NAALADL2: variants seen among roughly 807,000 people sequenced by gnomAD.
NAALADL2 encodes the protein N-acetylated alpha-linked acidic dipeptidase like 2.
In NAALADL2, 76 loss-of-function variants were observed where a neutral mutation model predicts 87.2. That is an observed-to-expected ratio of 0.87 (90% CI 0.72 to 1.05). The LOEUF (loss-of-function observed/expected upper bound fraction) is 1.05. Ranked by LOEUF, NAALADL2 falls within the 50% of genes least tolerant of loss-of-function variation. NAALADL2 has a pLI of 0.00. For synonymous variants in NAALADL2, 354 were observed against 331.0 expected (o/e 1.07, Z -0.75); for missense variants, 1,089 against 945.8 (o/e 1.15, Z -1.99).
chr3:174,585,754 C>T (rs1479883463), intron 2 of NAALADL2, among the ~76,000 whole-genome samples: 3 of 151,952 alleles, frequency 2.0e-5, no homozygotes, highest in East Asian at 1.9e-4. Context: ...TTAATAATAA[C>T]GATCTGATAA....
At chr3:175,669,395 G>T (rs927766459) in intron 11 of NAALADL2, among the ~76,000 whole-genome samples, 3 of 151,972 alleles carry the variant, frequency 2.0e-5, no homozygotes, top group Admixed American at 6.6e-5. Flanking sequence ...GTCATATGTT[G>T]GAATCACCTC....
chr3:175,691,256 AATAT>A (rs760060951), intron 11 of NAALADL2, among the ~76,000 whole-genome samples: 1 of 148,974 alleles, frequency 6.7e-6, no homozygotes, highest in African/African-American at 2.4e-5. Context: ...ACACACAGAT[AATAT>A]ATATATATAT....
chr3:175,635,660 C>A (rs1280243195), intron 11 of NAALADL2, among the ~76,000 whole-genome samples: 1 of 152,004 alleles, frequency 6.6e-6, no homozygotes, highest in East Asian at 1.9e-4. Context: ...AAATATAAGT[C>A]CTTCCTATTT....
In NAALADL2 at chr3:174,816,137, A is replaced by G. The variant is rs74367256; in HGVS notation, c.-9+78391A>G. On this transcript the variant is annotated intron_variant, in intron 3 of 3. Transcript: ENST00000434257. Reference sequence around the variant, plus strand: ...ATGATTATATATTCCTTTAAATTGTATAGCACGTATGTACCCCAATGATAT... The same window carrying G: ...ATGATTATATATTCCTTTAAATTGTGTAGCACGTATGTACCCCAATGATAT... 7.1e-3 allele frequency among the ~76,000 whole-genome samples: 1,073 copies of G among 152,138 alleles called. 17 individuals are homozygous for G. The highest frequency in any genetic ancestry group is 0.024 in the African/African-American group (1,013 of 41,530).
intron 2 of NAALADL2, among the ~76,000 whole-genome samples, chr3:174,622,685 G>T (rs1462470941): frequency 6.6e-6 from 1 of 152,180 alleles, no homozygotes; most frequent in Non-Finnish European, 1.5e-5. Flanking sequence ...CAAAGGAAGA[G>T]AAAATGCATT....
rs138588275 is a variant in NAALADL2 at position 175,791,617 on chromosome 3, T to C, written c.2190-11388T>C. 2.8e-3 allele frequency among the ~76,000 whole-genome samples: 419 copies of C among 152,250 alleles called. 5 individuals are homozygous for C. The highest frequency in any genetic ancestry group is 9.4e-3 in the African/African-American group (390 of 41,552). On this transcript the variant is annotated intron_variant, in intron 13 of 13. Coordinates refer to ENST00000454872, the MANE Select transcript of NAALADL2 (RefSeq NM_207015.3). ...ATGCAATGGTGGCAGTGGGGGTATCTCAAACATTGATGTCCTAAACTGACT... is the reference window on the plus strand; with the variant it reads ...ATGCAATGGTGGCAGTGGGGGTATCCCAAACATTGATGTCCTAAACTGACT...
chr3:175,598,030 C>A (rs531267449), intron 10 of NAALADL2, among the ~76,000 whole-genome samples: 253 of 151,940 alleles, frequency 1.7e-3, no homozygotes, highest in Non-Finnish European at 2.9e-3. Flanking sequence ...TGTATGTATA[C>A]GTTGTATTAT....
intron 2 of NAALADL2, among the ~76,000 whole-genome samples, chr3:175,100,861 AT>A (rs1722035744): frequency 8.2e-5 from 12 of 145,840 alleles, no homozygotes; most frequent in Middle Eastern, 3.6e-3. Context: ...AAAAAAAAAA[AT>A]TGCAGAAAAA....
rs141891180 is a variant in NAALADL2, at chr3:174,981,990, A to T, written c.44-114800A>T. The stretch of plus-strand genomic sequence containing the variant: ...ACTTTTATTTAACATCATTTGCTGA[A>T]ACTTAAGAATACGGTCACAACTAAC... On this transcript the variant is annotated intron_variant, in intron 1 of 13. Transcript: ENST00000454872. 3.3e-3 allele frequency among the ~76,000 whole-genome samples: 497 copies of T among 152,334 alleles called. 12 individuals carry two copies. Among genetic ancestry groups the T allele is most frequent in the Admixed American group, 0.03 (461 of 15,298 alleles).
intron 2 of NAALADL2, among the ~76,000 whole-genome samples, chr3:174,609,263 A>G (rs1370813892): frequency 6.6e-6 from 1 of 152,174 alleles, no homozygotes; most frequent in Non-Finnish European, 1.5e-5. Context: ...CAAGACAGGG[A>G]TGCCCTCTCT....
intron 5 of NAALADL2, among the ~76,000 whole-genome samples, chr3:175,414,134 C>T (rs1714136433): frequency 6.6e-6 from 1 of 152,182 alleles, no homozygotes; most frequent in Non-Finnish European, 1.5e-5. Flanking sequence ...AGCCTAATAA[C>T]TTGTGTTTGC....
At chr3:175,597,632 G>A (rs1362358967) in intron 10 of NAALADL2, among the ~76,000 whole-genome samples, 2 of 151,822 alleles carry the variant, frequency 1.3e-5, no homozygotes, top group Non-Finnish European at 2.9e-5. Flanking sequence ...TTGTTGTAGG[G>A]GTCTGTCCTC....
rs376245136 is a variant in NAALADL2, at chr3:175,787,595, A to G, written c.2190-15410A>G. On this transcript the variant is annotated intron_variant, in intron 13 of 13. Coordinates refer to ENST00000454872, the MANE Select transcript of NAALADL2 (RefSeq NM_207015.3). ...TCGCGCACGGTGCGCGCACCCACTG[A>G]CCTGCGCCCACTGTCTGGCGCTCCC... 7.7e-3 allele frequency among the ~76,000 whole-genome samples: 1,166 copies of G among 151,782 alleles called. 36 individuals carry two copies. Among genetic ancestry groups the G allele is most frequent in the Admixed American group, 0.065 (971 of 15,024 alleles).
chr3:175,080,244 G>A (rs1717533020), intron 1 of NAALADL2, among the ~76,000 whole-genome samples: 1 of 152,206 alleles, frequency 6.6e-6, no homozygotes, highest in Admixed American at 6.5e-5. Flanking sequence ...GATTACAGGC[G>A]TGAGCCACTG....
At chr3:174,915,363 A>G (rs560713157) in intron 1 of NAALADL2, among the ~76,000 whole-genome samples, 1 of 152,112 alleles carries the variant, frequency 6.6e-6, no homozygotes, top group Admixed American at 6.6e-5. Flanking sequence ...GACATACTGA[A>G]GTTGCTGTCT....
chr3:174,566,535 T>G (rs542232866), intron 2 of NAALADL2, among the ~76,000 whole-genome samples: 1 of 151,964 alleles, frequency 6.6e-6, no homozygotes, highest in African/African-American at 2.4e-5. Flanking sequence ...TTTTAGTCAT[T>G]TCTCTTCATA....
intron 2 of NAALADL2, among the ~76,000 whole-genome samples, chr3:175,194,386 C>T (rs1393242660): frequency 2.0e-5 from 3 of 151,782 alleles, no homozygotes; most frequent in Admixed American, 2.0e-4. Flanking sequence ...AAAGGAGAGC[C>T]TTGAAATCAT....
chr3:175,249,143 G>A (rs536773119), intron 3 of NAALADL2, among the ~76,000 whole-genome samples: 7 of 151,946 alleles, frequency 4.6e-5, no homozygotes, highest in African/African-American at 1.7e-4. Flanking sequence ...AGTTGAGCTC[G>A]ATCAGTTTGA....
intron 9 of NAALADL2, among the ~76,000 whole-genome samples, chr3:175,514,390 T>C (rs1560685606): frequency 6.6e-6 from 1 of 152,330 alleles, no homozygotes; most frequent in East Asian, 1.9e-4. Context: ...ATATTCACTC[T>C]GAAAATATGA....
Sources: allele counts gnomAD v4.1 joint callset (sites outside exome capture counted in the v4.1 genomes callset), GRCh38; gene constraint gnomAD v4.1.1; transcripts MANE v1.5; gene names NCBI Gene and HGNC (gene_info 2026-07-23, HGNC 2026-07-21).